The following GAA variants were observed in gnomAD, a reference collection of about 807,000 sequenced individuals.
The protein encoded by GAA is alpha glucosidase.
In GAA, 88 loss-of-function variants were observed where a neutral mutation model predicts 103.9. The observed-to-expected ratio is 0.85, with a 90% CI of 0.71 to 1.01. The LOEUF is 1.01. GAA is among the 50% of genes least tolerant of loss of function. GAA has a pLI of 0.00. For missense variants in GAA, 1,350 were observed against 1,305.3 expected (o/e 1.03, Z -0.53); for synonymous variants, 572 against 563.1 (o/e 1.02, Z -0.22).
Position 80,118,686 on chromosome 17 carries a change from A to C in GAA, c.2680A>C (p.Ser894Arg). Residue 894 changes from serine to arginine, a missense_variant, in exon 19 of 20, where the codon AGT (serine) becomes CGT (arginine). Coordinates refer to ENST00000302262, the MANE Select transcript of GAA (RefSeq NM_000152.5). ...TIVNELVRVTSEGAGLQLQKV... is the reference protein window; with the variant it reads ...TIVNELVRVTREGAGLQLQKV... Reference sequence around the variant, plus strand: ...CGTGAATGAGCTGGTACGTGTGACCAGTGAGGGAGCTGGCCTGCAGCTGCA... The same window carrying C: ...CGTGAATGAGCTGGTACGTGTGACCCGTGAGGGAGCTGGCCTGCAGCTGCA... 1.2e-6 allele frequency: 2 copies of C among 1,612,936 alleles called. No individual in the cohort carries two copies. The highest frequency in any genetic ancestry group is 1.7e-6 in the Non-Finnish European group (2 of 1,179,960).
At chr17:80,105,247 G>T (rs986064835) in intron 2 of GAA, 115 bp downstream of exon 2, 2 of 1,084,510 alleles carry the variant, frequency 1.8e-6, no homozygotes, top group African/African-American at 3.1e-5. Flanking sequence ...CTGGGCCCTT[G>T]CTGGGAGCGG....
chr17:80,105,200 C>A, intron 2 of GAA, 68 bp downstream of exon 2: 1 of 1,443,026 alleles, frequency 6.9e-7, no homozygotes, highest in Non-Finnish European at 9.4e-7. Context: ...CACCCACGCA[C>A]CTCACAAGGG....
chr17:80,119,084 G>A (rs978487722), intron 19 of GAA, among the ~76,000 whole-genome samples, 188 bp from the exon 20 acceptor site: 5 of 152,166 alleles, frequency 3.3e-5, no homozygotes, highest in African/African-American at 7.2e-5. Context: ...ACTGAGAGCC[G>A]GGGTCCCCCT....
chr17:80,112,222 C>G, intron 12 of GAA, 122 bp downstream of exon 12: 1 of 978,028 alleles, frequency 1.0e-6, no homozygotes, highest in East Asian at 2.5e-5. Context: ...GGCCCGCTGG[C>G]GGCCCGAGTG....
chr17:80,111,925 G>A (rs1006801389), intron 11 of GAA, 58 bp from the exon 12 acceptor site: 7 of 1,453,136 alleles, frequency 4.8e-6, no homozygotes, highest in African/African-American at 4.2e-5. Context: ...GGGCAGGGAG[G>A]GCACCTTGGA....
intron 11 of GAA, chr17:80,111,589 G>A (rs2039238481): frequency 3.1e-6 from 1 of 320,342 alleles, no homozygotes; most frequent in Admixed American, 4.4e-5. Context: ...TTACAAGGAA[G>A]TACAAGGATG....
Position 80,104,495 on chromosome 17 carries a change from AGAGCCCCGT to A in GAA, c.-32-56_-32-48del. ...CGGTTGATGTCTCAGAGCTGCTTTG[AGAGCCCCGT>A]GAGTGCCGCCCCTCCCGCCTCCCTG... On this transcript the variant is annotated intron_variant, in intron 1 of 19. Coordinates refer to ENST00000302262, the MANE Select transcript of GAA (RefSeq NM_000152.5). This position sits in a 1 kb window ranked among gnomAD's most constrained non-coding sequence, Gnocchi z 4.0. 1 of 1,262,390 alleles carries A rather than the reference AGAGCCCCGT, an allele frequency of 7.9e-7. No homozygotes were observed. Among genetic ancestry groups the A allele is most frequent in the African/African-American group, 1.5e-5 (1 of 67,218 alleles). 78.2% of individuals were successfully genotyped at this position (1,262,390 alleles called of 1,614,324 possible). A position where few individuals can be genotyped will look rare whatever the true frequency, so the allele number is the denominator to read the frequency against.
At position 80,113,217 on chromosome 17, in the gene GAA, G is replaced by GC; in HGVS notation, c.2044dup (p.Gln682ProfsTer55). The GC allele has an allele frequency of 6.3e-7, 1 of 1,596,978 alleles. No homozygotes were observed. ...TTCCTTTGCCCCCGCCTGCCCTGCA[G>GC]CCCCAGGAGCCGTACAGCTTCAGCG... On this transcript the variant is annotated frameshift_variant and splice_region_variant. Transcript: ENST00000302262. LOFTEE classifies it high-confidence loss of function.
At chr17:80,118,835 G>A (rs746704447) in intron 19 of GAA, 30 bp downstream of exon 19, 58 of 1,610,824 alleles carry the variant, frequency 3.6e-5, no homozygotes, top group African/African-American at 1.9e-4. Flanking sequence ...CACAGGGATC[G>A]CGTCCCCCAG....
chr17:80,118,298 G>C lies in GAA; in HGVS notation c.2587G>C (p.Glu863Gln). 1 of 1,595,590 alleles carries C rather than the reference G, an allele frequency of 6.3e-7. No individual in the cohort carries two copies. The highest frequency in any genetic ancestry group is 1.3e-5 in the African/African-American group (1 of 74,578). The change falls in exon 18 of 20, where the codon GAG becomes CAG. Residue 863 changes from glutamate (E) to glutamine (Q), a missense_variant. Transcript: ENST00000302262. ...AGGGGAGCTGTTCTGGGACGATGGA[G>C]AGAGCCTGGAAGTGCTGGAGCGAGG... is the stretch of plus-strand genomic sequence containing the variant. The part of the protein sequence containing the change: ...ARGELFWDDG[E>Q]SLEVLERGAY...
intron 12 of GAA, 124 bp from the exon 13 acceptor site, chr17:80,112,454 G>GTCC: frequency 1.6e-6 from 2 of 1,256,670 alleles, no homozygotes; most frequent in Non-Finnish European, 2.3e-6. Context: ...TAGCCTCGCC[G>GTCC]TCCTCCTCCC....
chr17:80,119,433 G>A lies in GAA; in HGVS notation c.*102G>A. The A allele has an allele frequency of 1.0e-6, 1 of 986,290 alleles. No homozygotes were observed. Among genetic ancestry groups the A allele is most frequent in the South Asian group, 1.3e-5 (1 of 77,302 alleles). 61.1% of individuals were successfully genotyped at this position (986,290 alleles called of 1,614,324 possible). On this transcript the variant is annotated 3_prime_UTR_variant, in exon 20 of 20. Transcript: ENST00000302262. ...GTGTGCGGGCCTGGGGGTTGCATGTGTCACCTGGAGCTGGGCACTAACCAT... is the reference window on the plus strand; with the variant it reads ...GTGTGCGGGCCTGGGGGTTGCATGTATCACCTGGAGCTGGGCACTAACCAT...
In GAA at chr17:80,109,948, C is replaced by G; in HGVS notation, c.1330C>G (p.Pro444Ala). ...TGACAGGTTTCCCTCTTCCCAGGAT[C>G]CTGCCATCAGCAGCTCGGGCCCTGC... The part of the protein sequence containing the change: ...GGRRYMMIVD[P>A]AISSSGPAGS... Residue 444 changes from proline (P) to alanine (A), a missense_variant, in exon 9 of 20, where the codon CCT becomes GCT. Coordinates refer to ENST00000302262, the MANE Select transcript of GAA (RefSeq NM_000152.5). 1.9e-6 allele frequency: 3 copies of G among 1,612,976 alleles called. No individual in the cohort carries two copies. The highest frequency in any genetic ancestry group is 2.5e-6 in the Non-Finnish European group (3 of 1,179,562).
chr17:80,114,739 TTTC>T (rs1221533754), intron 15 of GAA, among the ~76,000 whole-genome samples: 4 of 152,254 alleles, frequency 2.6e-5, no homozygotes, highest in African/African-American at 9.6e-5. Context: ...CATGGTTTTA[TTTC>T]TTCATGTGGC....
chr17:80,118,473 C>G lies in GAA; in HGVS notation c.2646+116C>G. ...GCTACCTGCCACTAGGACACTCTAG[C>G]AGGTGGCCTGGGGTCCTAGAGTGAG... On this transcript the variant is annotated intron_variant, in intron 18 of 19. Transcript: ENST00000302262. The G allele has an allele frequency of 1.5e-5, 22 of 1,453,408 alleles. No individual in the cohort carries two copies. The South Asian group carries it at 2.6e-4, about 17-fold the overall frequency. 90.0% of individuals were successfully genotyped at this position (1,453,408 alleles called of 1,614,324 possible).
chr17:80,110,140 G>T, intron 9 of GAA, 85 bp downstream of exon 9: 1 of 1,085,348 alleles, frequency 9.2e-7, no homozygotes, highest in Non-Finnish European at 1.4e-6. Context: ...AAGACGGTGG[G>T]ATTTGAGGAG....
At position 80,108,567 on chromosome 17, in the gene GAA, G is replaced by T; in HGVS notation, c.1154G>T (p.Arg385Leu). 1 of 1,612,720 alleles carries T rather than the reference G, an allele frequency of 6.2e-7. No homozygotes were observed. Among genetic ancestry groups the T allele is most frequent in the Non-Finnish European group, 8.5e-7 (1 of 1,179,840 alleles). ...GGCTACTCCTCCACCGCTATCACCCGCCAGGTGGTGGAGAACATGACCAGG... is the reference window on the plus strand; with the variant it reads ...GGCTACTCCTCCACCGCTATCACCCTCCAGGTGGTGGAGAACATGACCAGG... ...RWGYSSTAIT[R>L]QVVENMTRAH... The change falls in exon 7 of 20, where the codon CGC (arginine) becomes CTC (leucine). Residue 385 changes from arginine to leucine, a missense_variant. Transcript: ENST00000302262.
At chr17:80,111,820 G>C (rs1357187910) in intron 11 of GAA, 163 bp from the exon 12 acceptor site, 1 of 627,378 alleles carries the variant, frequency 1.6e-6, no homozygotes, top group Non-Finnish European at 2.8e-6. Context: ...CCCGGGTAAC[G>C]CCAGCCCCAC....
chr17:80,112,117 G>T lies in GAA; in HGVS notation c.1754+17G>T. 6.2e-7 allele frequency: 1 copy of T among 1,600,434 alleles called. No individual in the cohort carries two copies. Among genetic ancestry groups the T allele is most frequent in the Non-Finnish European group, 8.6e-7 (1 of 1,168,200 alleles). ...CTCCCACAGGTGAGGGCCACGTCCC[G>T]CCCCACTGGGCTCTGCCCTCACAGC... On this transcript the variant is annotated intron_variant, in intron 12 of 19. Coordinates refer to ENST00000302262, the MANE Select transcript of GAA (RefSeq NM_000152.5).
Sources: allele counts gnomAD v4.1 joint callset (sites outside exome capture counted in the v4.1 genomes callset), GRCh38; gene constraint gnomAD v4.1.1; non-coding constraint Gnocchi (gnomAD v3.1); transcripts MANE v1.5; gene names NCBI Gene and HGNC (gene_info 2026-07-23, HGNC 2026-07-21).